Variants in SYT1 observed in about 807,000 individuals in gnomAD.
SYT1 encodes synaptotagmin 1.
A neutral mutation model predicts 44.8 loss-of-function variants in SYT1; 8 were observed. The ratio of observed to expected loss-of-function variants is 0.18; its 90% confidence interval spans 0.10 to 0.32. The LOEUF (loss-of-function observed/expected upper bound fraction) is 0.32. Ranked by LOEUF, SYT1 falls within the 10% of genes least tolerant of loss-of-function variation. The probability of loss-of-function intolerance (pLI) is 1.00; values close to 1 mark genes in which losing one functional copy is unlikely to be tolerated. For synonymous variants in SYT1, 154 were observed against 188.8 expected (o/e 0.82, Z 1.51); for missense variants, 286 against 509.3 (o/e 0.56, Z 4.22).
At chr12:78,967,234 C>T (rs577589639) in intron 1 of SYT1, among the ~76,000 whole-genome samples, 1 of 152,090 alleles carries the variant, frequency 6.6e-6, no homozygotes, top group Non-Finnish European at 1.5e-5. Flanking sequence ...CAAAAGCTGA[C>T]ATGTATACAA....
At chr12:78,894,330 G>GTTTTTTTTTTTTTTTTTTTTTTATTTTTT (rs1875228521) in intron 1 of SYT1, among the ~76,000 whole-genome samples, 1 of 27,710 alleles carries the variant, frequency 3.6e-5, no homozygotes, top group African/African-American at 1.2e-4. Flanking sequence ...TTTTTAATCT[G>GTTTTTTTTTTTTTTTTTTTTTTATTTTTT]TTTTTTTTTT....
chr12:79,052,835 A>G (rs1050590199), intron 3 of SYT1, among the ~76,000 whole-genome samples: 2 of 152,170 alleles, frequency 1.3e-5, no homozygotes, highest in Non-Finnish European at 2.9e-5. Flanking sequence ...TAGAATGGCA[A>G]TCATTAAAAA....
intron 2 of SYT1, among the ~76,000 whole-genome samples, chr12:79,027,146 C>T (rs1232490731): frequency 6.6e-6 from 1 of 151,558 alleles, no homozygotes; most frequent in African/African-American, 2.4e-5. Context: ...CTTCAGCTCT[C>T]TCCACCTTCT....
At chr12:79,431,785 C>T (rs1437448465) in intron 9 of SYT1, among the ~76,000 whole-genome samples, 1 of 152,036 alleles carries the variant, frequency 6.6e-6, no homozygotes, top group Non-Finnish European at 1.5e-5. Context: ...TCAGGTGATC[C>T]CCCTGCCTCG....
At chr12:79,401,000 GAACAATATGATCTTAAATA>G (rs1885047667) in intron 9 of SYT1, among the ~76,000 whole-genome samples, 1 of 152,128 alleles carries the variant, frequency 6.6e-6, no homozygotes, top group Admixed American at 6.5e-5. Flanking sequence ...TGGCTCTATT[GAACAATATGATCTTAAATA>G]AACCTTTTCA....
intron 2 of SYT1, among the ~76,000 whole-genome samples, chr12:78,989,488 C>T (rs1869876056): frequency 6.6e-6 from 1 of 152,076 alleles, no homozygotes; most frequent in African/African-American, 2.4e-5. Context: ...CCCCCCCGTT[C>T]CCAGACTTTG....
At chr12:79,173,971 A>G (rs1871706292) in intron 3 of SYT1, among the ~76,000 whole-genome samples, 1 of 152,038 alleles carries the variant, frequency 6.6e-6, no homozygotes, top group Non-Finnish European at 1.5e-5. Context: ...CTGTTGCTGG[A>G]CAAATGAAAC....
rs1468970238 is a variant in SYT1, at chr12:79,308,588, AAAG to A, written c.810+9043_810+9045del. Among the ~76,000 whole-genome samples the A allele has an allele frequency of 9.2e-3, 1,128 of 122,114 alleles. 12 individuals are homozygous for A. Among genetic ancestry groups the A allele is most frequent in the Middle Eastern group, 0.039 (9 of 230 alleles). 80.1% of individuals were successfully genotyped at this position (122,114 alleles called of 152,430 possible). A position where few individuals can be genotyped will look rare whatever the true frequency, so the allele number is the denominator to read the frequency against. ...GGAAAAGAAAGAAAAGAAGGAAAAGAAAGAAGAAAGAAAGAAAGAAAGAAAAAG... is the reference window on the plus strand; with the variant it reads ...GGAAAAGAAAGAAAAGAAGGAAAAGAAAGAAAGAAAGAAAGAAAGAAAAAG... On this transcript the variant is annotated intron_variant, in intron 8 of 10. Transcript: ENST00000261205.
intron 3 of SYT1, among the ~76,000 whole-genome samples, chr12:79,142,528 A>C (rs557646566): frequency 1.3e-5 from 2 of 152,352 alleles, no homozygotes; most frequent in African/African-American, 4.8e-5. Context: ...AGAGCTTAGA[A>C]ATACGACTTT....
intron 3 of SYT1, among the ~76,000 whole-genome samples, chr12:79,193,091 A>G (rs1873227749): frequency 6.6e-6 from 1 of 152,180 alleles, no homozygotes; most frequent in Non-Finnish European, 1.5e-5. Context: ...TTAACTTTCC[A>G]ACAAACTTCA....
At chr12:78,945,105 C>T (rs1878579600) in intron 1 of SYT1, among the ~76,000 whole-genome samples, 1 of 152,112 alleles carries the variant, frequency 6.6e-6, no homozygotes, top group South Asian at 2.1e-4. Flanking sequence ...CTTAGTAAAA[C>T]CAGTTTAAAA....
At chr12:79,220,553 A>G (rs978335406) in intron 4 of SYT1, among the ~76,000 whole-genome samples, 2 of 152,002 alleles carry the variant, frequency 1.3e-5, no homozygotes, top group Non-Finnish European at 2.9e-5. Flanking sequence ...ATTTATTTCT[A>G]TAAAATTCCC....
intron 2 of SYT1, among the ~76,000 whole-genome samples, chr12:79,043,642 G>A (rs1873765471): frequency 6.6e-6 from 1 of 151,460 alleles, no homozygotes; most frequent in South Asian, 2.1e-4. Flanking sequence ...AGTTAGTATT[G>A]TTATGTGTGA....
chr12:79,028,532 C>T lies in SYT1; in HGVS notation c.-83-18765C>T, dbSNP rs1435501032. ...AAGTCCCTGTGCGCACTGTGGGCCT[C>T]ATATCCAGGGCACTTAGCACTATAT... On this transcript the variant is annotated intron_variant, in intron 2 of 10. Coordinates refer to ENST00000261205, the MANE Select transcript of SYT1 (RefSeq NM_005639.3). 2.6e-5 allele frequency among the ~76,000 whole-genome samples: 4 copies of T among 151,258 alleles called. No individual in the cohort carries two copies. The East Asian group carries it at 5.8e-4, about 22-fold the overall frequency.
intron 4 of SYT1, among the ~76,000 whole-genome samples, chr12:79,236,252 C>T (rs1876183334): frequency 6.6e-6 from 1 of 152,138 alleles, no homozygotes; most frequent in Admixed American, 6.5e-5. Flanking sequence ...TTAGTACTTC[C>T]CCCTTAGCTG....
chr12:79,311,125 C>A lies in SYT1; in HGVS notation c.810+11574C>A, dbSNP rs1019026632. ...AAAGGGAATGCTTCCAGTTTTTGCC[C>A]ATTCAGTATGATATTGGCTGTGGGT... On this transcript the variant is annotated intron_variant, in intron 8 of 10. Transcript: ENST00000261205. 4.6e-5 allele frequency among the ~76,000 whole-genome samples: 7 copies of A among 152,288 alleles called. 1 individual carries two copies. Among genetic ancestry groups the A allele is most frequent in the Admixed American group, 3.3e-4 (5 of 15,292 alleles).
chr12:79,381,229 T>G (rs1339823294), intron 9 of SYT1, among the ~76,000 whole-genome samples: 1 of 152,222 alleles, frequency 6.6e-6, no homozygotes. Flanking sequence ...TTTCGAAAGA[T>G]TATAGATCCA....
At chr12:79,063,257 T>C (rs1875521327) in intron 3 of SYT1, among the ~76,000 whole-genome samples, 1 of 152,202 alleles carries the variant, frequency 6.6e-6, no homozygotes, top group Non-Finnish European at 1.5e-5. Context: ...CTACCATTAC[T>C]AGTTTATGCT....
chr12:78,943,048 A>T (rs550113401), intron 1 of SYT1, among the ~76,000 whole-genome samples: 1 of 152,322 alleles, frequency 6.6e-6, no homozygotes, highest in East Asian at 1.9e-4. Context: ...TAAATATTCA[A>T]TGAGTATTCA....
Sources: gnomAD v4.1 joint callset for allele counts (sites outside exome capture counted in the v4.1 genomes callset) on GRCh38, gnomAD v4.1.1 for gene constraint, MANE v1.5 for transcripts, NCBI Gene and HGNC (gene_info 2026-07-23, HGNC 2026-07-21) for gene names.